The following CA10 variants were observed in gnomAD, a reference collection of about 807,000 sequenced individuals.
CA10 encodes the protein carbonic anhydrase 10 (inactive).
Under a neutral mutation model 44.2 loss-of-function variants are expected in CA10, and 14 were observed. The observed-to-expected ratio is 0.32, with a 90% confidence interval of 0.21 to 0.50. The LOEUF (loss-of-function observed/expected upper bound fraction) is 0.50. CA10 is among the 20% of genes least tolerant of loss of function. The probability of loss-of-function intolerance (pLI) is 0.99; values close to 1 mark genes in which losing one functional copy is unlikely to be tolerated. For missense variants in CA10, 350 were observed against 409.7 expected, an observed-to-expected ratio of 0.85 and a Z score of 1.26; for synonymous variants, 159 against 141.6, an observed-to-expected ratio of 1.12 and a Z score of -0.87.
At chr17:52,032,626 C>A (rs1315782205) in intron 2 of CA10, among the ~76,000 whole-genome samples, 1 of 152,078 alleles carries the variant, frequency 6.6e-6, no homozygotes, top group Non-Finnish European at 1.5e-5. Flanking sequence ...TGGGTTTGGG[C>A]CAAGTCGGGC....
intron 3 of CA10, among the ~76,000 whole-genome samples, chr17:51,778,663 A>C (rs907927390): frequency 6.6e-6 from 1 of 152,198 alleles, no homozygotes; most frequent in Non-Finnish European, 1.5e-5. Context: ...TGTTCAACTC[A>C]AACTGGTAAA....
chr17:51,694,233 T>C (rs1418465655), intron 4 of CA10, among the ~76,000 whole-genome samples: 2 of 151,836 alleles, frequency 1.3e-5, no homozygotes, highest in African/African-American at 4.8e-5. Flanking sequence ...AATCTCCAAA[T>C]TGCTTTCCAA....
At chr17:51,636,384 G>T (rs1912827042) in intron 6 of CA10, among the ~76,000 whole-genome samples, 1 of 152,176 alleles carries the variant, frequency 6.6e-6, no homozygotes, top group Admixed American at 6.5e-5. Context: ...GCGAATGTGT[G>T]TTGGTTCTTA....
chr17:52,118,808 C>A (rs1382180227), intron 1 of CA10, among the ~76,000 whole-genome samples: 2 of 152,076 alleles, frequency 1.3e-5, no homozygotes, highest in African/African-American at 4.8e-5. Flanking sequence ...TTGACTGTAA[C>A]TACCCTAGAA....
intron 2 of CA10, among the ~76,000 whole-genome samples, chr17:51,936,248 C>A (rs1982860014): frequency 6.6e-6 from 1 of 152,136 alleles, no homozygotes; most frequent in Non-Finnish European, 1.5e-5. Context: ...GATATGGTTC[C>A]TATTCTCATG....
rs374478245 is a variant in CA10 at position 51,704,955 on chromosome 17, C to T, written c.465+42678G>A. The stretch of plus-strand genomic sequence containing the variant: ...TTCCACTCCAGCCTGGGTGACAGAG[C>T]GACTCTGTCTAAAAAAAAAAAAAAG... On this transcript the variant is annotated intron_variant, in intron 4 of 8. Coordinates refer to ENST00000451037, the MANE Select transcript of CA10 (RefSeq NM_020178.5). 2.6e-4 allele frequency among the ~76,000 whole-genome samples: 39 copies of T among 147,530 alleles called. 1 individual carries two copies. The South Asian group carries it at 7.1e-3, about 27-fold the overall frequency.
chr17:51,668,639 G>A (rs904857978), intron 4 of CA10, among the ~76,000 whole-genome samples: 2 of 152,122 alleles, frequency 1.3e-5, no homozygotes, highest in Non-Finnish European at 2.9e-5. Flanking sequence ...GCTCGCTCTC[G>A]GGACCTCCTC....
chr17:51,917,796 T>C (rs1183442010), intron 3 of CA10, among the ~76,000 whole-genome samples: 1 of 152,184 alleles, frequency 6.6e-6, no homozygotes, highest in Admixed American at 6.5e-5. Flanking sequence ...ACCTTCAATA[T>C]TGGGGATTAT....
intron 4 of CA10, among the ~76,000 whole-genome samples, chr17:51,678,186 TAG>T (rs1041925371): frequency 2.6e-5 from 4 of 152,088 alleles, no homozygotes; most frequent in African/African-American, 9.7e-5. Context: ...GGTAAATCCA[TAG>T]AGACAGGTTG....
chr17:51,948,232 A>G lies in CA10; in HGVS notation c.137-17100T>C, dbSNP rs151138952. Among the ~76,000 whole-genome samples, 19 of 152,248 alleles carry G rather than the reference A, an allele frequency of 1.2e-4. No homozygotes were observed. The East Asian group carries it at 3.3e-3, about 26-fold the overall frequency. On this transcript the variant is annotated intron_variant, in intron 2 of 8. Coordinates refer to ENST00000451037, the MANE Select transcript of CA10 (RefSeq NM_020178.5). ...CCTGTATTGCTGGGGCAGGGGCTCA[A>G]TAAGCCATATTTCTGCTTTGTCAGC... is the stretch of plus-strand genomic sequence containing the variant.
intron 6 of CA10, among the ~76,000 whole-genome samples, chr17:51,643,325 G>A (rs751499719): frequency 7.2e-5 from 11 of 152,058 alleles, no homozygotes; most frequent in South Asian, 2.1e-4. Flanking sequence ...AATACACTAC[G>A]TTAAAAAATT....
intron 3 of CA10, among the ~76,000 whole-genome samples, chr17:51,927,423 G>T (rs1447204540): frequency 1.3e-5 from 2 of 152,134 alleles, no homozygotes; most frequent in Admixed American, 1.3e-4. Flanking sequence ...TAGATCAGCA[G>T]ATAGGTTTCT....
chr17:51,689,586 GA>G (rs952153931), intron 4 of CA10, among the ~76,000 whole-genome samples: 4 of 152,190 alleles, frequency 2.6e-5, no homozygotes, highest in African/African-American at 7.2e-5. Context: ...GCCACAGAAG[GA>G]AGAACATTGA....
intron 4 of CA10, among the ~76,000 whole-genome samples, chr17:51,695,507 G>A (rs1164412836): frequency 1.3e-5 from 2 of 152,200 alleles, no homozygotes; most frequent in Non-Finnish European, 2.9e-5. Flanking sequence ...CTATATTTTT[G>A]TACATTGATT....
At chr17:51,749,357 T>C (rs1904814991) in intron 3 of CA10, among the ~76,000 whole-genome samples, 1 of 152,232 alleles carries the variant, frequency 6.6e-6, no homozygotes, top group South Asian at 2.1e-4. Context: ...AGGGCATGCG[T>C]GTTTTCTTCA....
chr17:52,023,158 T>C (rs77539629), intron 2 of CA10, among the ~76,000 whole-genome samples: 4,833 of 152,020 alleles, frequency 0.032, 255 homozygotes, highest in African/African-American at 0.11. Flanking sequence ...TAAACGATCC[T>C]AAGCAAAAAT....
rs183866151 is a variant in CA10 at position 51,750,184 on chromosome 17, G to A, written c.280-2366C>T. The stretch of plus-strand genomic sequence containing the variant: ...ATACATAGGCATTATTATATGGTTC[G>A]AAAGATATGGGACAGCAAATCGACC... On this transcript the variant is annotated intron_variant, in intron 3 of 8. Coordinates refer to ENST00000451037, the MANE Select transcript of CA10 (RefSeq NM_020178.5). Among the ~76,000 whole-genome samples the A allele has an allele frequency of 1.4e-4, 21 of 152,110 alleles. No homozygotes were observed. In the East Asian group the frequency reaches 2.3e-3, roughly 17 times the overall value.
intron 1 of CA10, among the ~76,000 whole-genome samples, chr17:52,082,258 C>T (rs563333905): frequency 3.3e-4 from 50 of 152,144 alleles, no homozygotes; most frequent in Non-Finnish European, 6.8e-4. Flanking sequence ...TCTATGATTT[C>T]CTTGGAATAA....
intron 3 of CA10, among the ~76,000 whole-genome samples, chr17:51,860,847 T>C (rs2143840520): frequency 6.6e-6 from 1 of 152,160 alleles, no homozygotes; most frequent in Non-Finnish European, 1.5e-5. Flanking sequence ...ACACTAAGAT[T>C]TGGGGAAGCA....
Sources: allele counts gnomAD v4.1 joint callset (sites outside exome capture counted in the v4.1 genomes callset), GRCh38; gene constraint gnomAD v4.1.1; transcripts MANE v1.5; gene names NCBI Gene and HGNC (gene_info 2026-07-23, HGNC 2026-07-21).